The following CCSER2 variants were observed in gnomAD, a reference collection of about 807,000 sequenced individuals.
The protein encoded by CCSER2 is serine-rich coiled-coil domain-containing protein 2.
In CCSER2, 46 loss-of-function variants were observed where a neutral mutation model predicts 92.3. The observed-to-expected ratio is 0.50, with a 90% CI of 0.39 to 0.64. The LOEUF (loss-of-function observed/expected upper bound fraction) is 0.64. Ranked by LOEUF, CCSER2 falls within the 30% of genes least tolerant of loss-of-function variation. The probability of loss-of-function intolerance (pLI) is 0.00; values close to 1 mark genes in which losing one functional copy is unlikely to be tolerated. For missense variants in CCSER2, 1,244 were observed against 1,238.9 expected (o/e 1.00, Z -0.06); for synonymous variants, 433 against 431.4 (o/e 1.00, Z -0.04).
chr10:84,417,656 T>C (rs982675058), intron 3 of CCSER2, 115 bp from the exon 4 acceptor site: 1 of 524,442 alleles, frequency 1.9e-6, no homozygotes, highest in South Asian at 3.2e-5. Flanking sequence ...ATTTTATTCT[T>C]TCAGTGCAGA....
chr10:84,384,579 T>C (rs1350040424), intron 3 of CCSER2, among the ~76,000 whole-genome samples: 1 of 152,164 alleles, frequency 6.6e-6, no homozygotes, highest in East Asian at 1.9e-4. Flanking sequence ...CATCCCTTCA[T>C]GATAAAAACC....
At chr10:84,477,202 A>T (rs966761390) in intron 8 of CCSER2, among the ~76,000 whole-genome samples, 2 of 152,220 alleles carry the variant, frequency 1.3e-5, no homozygotes, top group Non-Finnish European at 2.9e-5. Context: ...TGTATGTTTT[A>T]TGGACAATAT....
chr10:84,425,910 C>G lies in CCSER2; in HGVS notation c.1868+17C>G. Reference sequence around the variant, plus strand: ...CTTGAGCAGGTAAGTACTGTTCTGACTTAGATTTCATTTGCTGTCCTCTGA... The same window carrying G: ...CTTGAGCAGGTAAGTACTGTTCTGAGTTAGATTTCATTTGCTGTCCTCTGA... On this transcript the variant is annotated intron_variant, in intron 5 of 9. Coordinates refer to ENST00000372088, the MANE Select transcript of CCSER2 (RefSeq NM_001284240.2). 2 of 1,457,916 alleles carry G rather than the reference C, an allele frequency of 1.4e-6. No individual in the cohort carries two copies. The highest frequency in any genetic ancestry group is 1.8e-6 in the Non-Finnish European group (2 of 1,086,370). The allele number at this position is 1,457,916 out of a possible 1,614,324, so 90.3% of individuals were successfully genotyped here. A position where few individuals can be genotyped will look rare whatever the true frequency, so the allele number is the denominator to read the frequency against.
chr10:84,403,410 T>A (rs1842221174), intron 3 of CCSER2, among the ~76,000 whole-genome samples: 1 of 151,996 alleles, frequency 6.6e-6, no homozygotes, highest in Non-Finnish European at 1.5e-5. Flanking sequence ...AAAAACATAA[T>A]CCATAAGAAA....
In CCSER2 at chr10:84,372,171, T is replaced by C. The variant is rs1470275456; in HGVS notation, c.1119T>C (p.Tyr373=). 12 of 1,613,394 alleles carry C rather than the reference T, an allele frequency of 7.4e-6. No homozygotes were observed. The highest frequency in any genetic ancestry group is 5.3e-5 in the African/African-American group (4 of 74,884). Residue 373 remains tyrosine, a synonymous_variant, in exon 2 of 10, where the codon TAT becomes TAC. Transcript: ENST00000372088. The stretch of plus-strand genomic sequence containing the variant: ...AAGAACTGATTGAAAATGAAAGTTA[T>C]AGAACAAAAAACAACCAGACCATGA... ...KDQELIENES[Y]RTKNNQTMKH...
rs1390954786 is a variant in CCSER2, at chr10:84,441,112, A to G, written c.2064+2405A>G. 4.6e-5 allele frequency among the ~76,000 whole-genome samples: 7 copies of G among 152,204 alleles called. No individual in the cohort carries two copies. The East Asian group carries it at 1.4e-3, about 29-fold the overall frequency. On this transcript the variant is annotated intron_variant, in intron 6 of 9. Coordinates refer to ENST00000372088, the MANE Select transcript of CCSER2 (RefSeq NM_001284240.2). ...GTGAAATGTTCTTGTTATTTCTGTG[A>G]TTATTCTCTTTCCTTTATTTTATCT... is the stretch of plus-strand genomic sequence containing the variant.
At chr10:84,391,838 T>C in intron 3 of CCSER2, 3 of 1,536,520 alleles carry the variant, frequency 2.0e-6, no homozygotes, top group East Asian at 2.3e-5. Flanking sequence ...ACCATGATCA[T>C]TGTGAATCCC....
At chr10:84,506,044 T>G in intron 9 of CCSER2, among the ~76,000 whole-genome samples, 1 of 152,028 alleles carries the variant, frequency 6.6e-6, no homozygotes, top group East Asian at 1.9e-4. Context: ...ATGGATTCTG[T>G]GTCTTTGAGA....
At chr10:84,444,460 T>C (rs1317771055) in intron 6 of CCSER2, among the ~76,000 whole-genome samples, 2 of 152,162 alleles carry the variant, frequency 1.3e-5, no homozygotes, top group African/African-American at 4.8e-5. Flanking sequence ...TTATCTCTAG[T>C]CTGAAAAGTA....
At chr10:84,438,794 G>T in intron 6 of CCSER2, 87 bp downstream of exon 6, 1 of 758,500 alleles carries the variant, frequency 1.3e-6, no homozygotes, top group Non-Finnish European at 2.1e-6. Context: ...ATACTTACTG[G>T]GTTTCTCATG....
chr10:84,407,389 T>C (rs1434195234), intron 3 of CCSER2, among the ~76,000 whole-genome samples: 1 of 152,238 alleles, frequency 6.6e-6, no homozygotes, highest in Non-Finnish European at 1.5e-5. Context: ...TCCAGCTTTA[T>C]TTAGGTTGGC....
At chr10:84,502,367 C>CTTTT (rs562377515) in intron 9 of CCSER2, among the ~76,000 whole-genome samples, 125 of 111,178 alleles carry the variant, frequency 1.1e-3, no homozygotes, top group Non-Finnish European at 1.8e-3. Flanking sequence ...TTGATGACTT[C>CTTTT]TTTTTTTTTT....
chr10:84,492,881 A>T (rs1848249191), intron 9 of CCSER2, among the ~76,000 whole-genome samples: 1 of 152,112 alleles, frequency 6.6e-6, no homozygotes. Flanking sequence ...AGATTTTTAC[A>T]TCTGTATTCT....
At chr10:84,483,771 T>C (rs1847595355) in intron 9 of CCSER2, among the ~76,000 whole-genome samples, 1 of 149,728 alleles carries the variant, frequency 6.7e-6, no homozygotes, top group Non-Finnish European at 1.5e-5. Flanking sequence ...GTTGGAAAAA[T>C]GTCAATTTTT....
chr10:84,382,837 T>C (rs1344758655), intron 3 of CCSER2, among the ~76,000 whole-genome samples: 1 of 152,262 alleles, frequency 6.6e-6, no homozygotes, highest in African/African-American at 2.4e-5. Context: ...AATGAGATTC[T>C]TGTTCACTTT....
At chr10:84,507,331 G>T (rs934142904) in intron 9 of CCSER2, 16 of 985,020 alleles carry the variant, frequency 1.6e-5, no homozygotes, top group Non-Finnish European at 1.9e-5. Context: ...CTGACAAAGC[G>T]TGGTACAGTA....
intron 4 of CCSER2, among the ~76,000 whole-genome samples, chr10:84,421,313 A>G (rs933158055): frequency 6.6e-6 from 1 of 152,192 alleles, no homozygotes; most frequent in Non-Finnish European, 1.5e-5. Flanking sequence ...TCACGCTGCT[A>G]TAAAGAACTG....
chr10:84,343,292 G>A (rs56403945), intron 1 of CCSER2, among the ~76,000 whole-genome samples: 54,169 of 152,090 alleles, frequency 0.36, 11,538 homozygotes, highest in East Asian at 0.5. Context: ...GTATAAACCT[G>A]GGAGTAGTCC....
At chr10:84,483,549 A>G (rs1413013436) in intron 9 of CCSER2, among the ~76,000 whole-genome samples, 1 of 152,162 alleles carries the variant, frequency 6.6e-6, no homozygotes, top group Non-Finnish European at 1.5e-5. Context: ...TTTCCAAAGG[A>G]GACAGATTTT....
Sources: allele counts gnomAD v4.1 joint callset (sites outside exome capture counted in the v4.1 genomes callset), GRCh38; gene constraint gnomAD v4.1.1; transcripts MANE v1.5; gene names NCBI Gene and HGNC (gene_info 2026-07-23, HGNC 2026-07-21).